Variants in RRP12 observed in about 807,000 individuals in gnomAD.
RRP12 encodes the protein ribosomal RNA processing 12 homolog.
Under a neutral mutation model 157.3 loss-of-function variants are expected in RRP12, and 78 were observed. The observed-to-expected ratio is 0.50, with a 90% CI of 0.41 to 0.60. The LOEUF (loss-of-function observed/expected upper bound fraction) is 0.60. Ranked by LOEUF, RRP12 falls within the 20% of genes least tolerant of loss-of-function variation. The pLI is 0.00. For synonymous variants in RRP12, 726 were observed against 670.9 expected (o/e 1.08, Z -1.27); for missense variants, 1,521 against 1,679.9 (o/e 0.91, Z 1.65).
chr10:97,364,447 G>T lies in RRP12; in HGVS notation c.3518-544C>A, dbSNP rs187275715. Among the ~76,000 whole-genome samples, 5 of 152,330 alleles carry T rather than the reference G, an allele frequency of 3.3e-5. No individual in the cohort carries two copies. In the East Asian group the frequency reaches 7.7e-4, roughly 24 times the overall value. On this transcript the variant is annotated intron_variant, in intron 29 of 33. Coordinates refer to ENST00000370992, the MANE Select transcript of RRP12 (RefSeq NM_015179.4). The stretch of plus-strand genomic sequence containing the variant: ...AGAGAGCACGTGACCGGCCATGTGT[G>T]GTGGCTCACACCTGTAATCCCAGCA...
At chr10:97,384,444 C>T (rs1052452003) in intron 10 of RRP12, among the ~76,000 whole-genome samples, 4 of 151,080 alleles carry the variant, frequency 2.6e-5, no homozygotes, top group African/African-American at 7.3e-5. Flanking sequence ...TGAGGACCCC[C>T]AACTTCGGCA....
At chr10:97,375,251 C>A (rs1342953845) in intron 15 of RRP12, among the ~76,000 whole-genome samples, 1 of 133,080 alleles carries the variant, frequency 7.5e-6, no homozygotes, top group Non-Finnish European at 1.6e-5. Flanking sequence ...GCCTACCACA[C>A]CTGGCTAACT....
intron 25 of RRP12, among the ~76,000 whole-genome samples, chr10:97,368,588 A>G (rs1844054317): frequency 6.6e-6 from 1 of 151,210 alleles, no homozygotes; most frequent in Admixed American, 6.6e-5. Context: ...AAACTCCTGA[A>G]CTCAAGTGAT....
chr10:97,390,880 T>C (rs770455831), intron 4 of RRP12, 36 bp from the exon 5 acceptor site: 4 of 1,401,260 alleles, frequency 2.9e-6, no homozygotes, highest in African/African-American at 2.8e-5. Context: ...CCCCAGAGGG[T>C]CCCTGAAGAG....
chr10:97,388,882 C>T (rs1454408084), intron 6 of RRP12, among the ~76,000 whole-genome samples: 2 of 152,186 alleles, frequency 1.3e-5, no homozygotes, highest in Admixed American at 1.3e-4. Flanking sequence ...TACTTAATTT[C>T]TGAGTTTCAA....
In RRP12 at chr10:97,366,838, G is replaced by A. The variant is rs778060874; in HGVS notation, c.3119C>T (p.Ala1040Val). 2 of 1,614,168 alleles carry A rather than the reference G, an allele frequency of 1.2e-6. No individual in the cohort carries two copies. Among genetic ancestry groups the A allele is most frequent in the Non-Finnish European group, 1.7e-6 (2 of 1,180,036 alleles). ...RVLVNIRKAE[A>V]RAKRHRALSQ... The stretch of plus-strand genomic sequence containing the variant: ...CAGGGCTCGGTGCCTCTTGGCCCGG[G>A]CCTCAGCTTTCCGGATGTTGACCAG... Residue 1040 changes from alanine to valine, a missense_variant, in exon 27 of 34, where the codon GCC becomes GTC. Transcript: ENST00000370992.
chr10:97,396,185 C>T, intron 3 of RRP12, 33 bp downstream of exon 3: 2 of 1,505,432 alleles, frequency 1.3e-6, no homozygotes, highest in African/African-American at 1.4e-5. Flanking sequence ...ACCTGCTGCT[C>T]TGAACACCCA....
chr10:97,368,917 G>A (rs926031737), intron 25 of RRP12, among the ~76,000 whole-genome samples: 1 of 152,228 alleles, frequency 6.6e-6, no homozygotes, highest in African/African-American at 2.4e-5. Flanking sequence ...GGAAGCCTAC[G>A]CCAGCCTGGG....
chr10:97,387,585 A>T (rs1178310984), intron 8 of RRP12, among the ~76,000 whole-genome samples: 1 of 151,836 alleles, frequency 6.6e-6, no homozygotes, highest in Non-Finnish European at 1.5e-5. Flanking sequence ...GATTTACAGA[A>T]TTGTGCTAGA....
chr10:97,393,541 G>GC (rs1360297158), intron 4 of RRP12, 143 bp downstream of exon 4: 8 of 728,298 alleles, frequency 1.1e-5, no homozygotes, highest in Non-Finnish European at 2.0e-5. Context: ...TCACATGCTG[G>GC]CCCATTCTGC....
rs887831138 is a variant in RRP12 at position 97,367,293 on chromosome 10, C to G, written c.2956-161G>C. The G allele has an allele frequency of 4.7e-6, 3 of 631,980 alleles. No individual in the cohort carries two copies. The East Asian group carries it at 8.3e-5, about 17-fold the overall frequency. 39.1% of individuals were successfully genotyped at this position (631,980 alleles called of 1,614,324 possible). Reference sequence around the variant, plus strand: ...CACCCTGGCCCAGTCATGCTTCCCTCGGGTGGGCAGGCCCCATCTTTCCCC... The same window carrying G: ...CACCCTGGCCCAGTCATGCTTCCCTGGGGTGGGCAGGCCCCATCTTTCCCC... On this transcript the variant is annotated intron_variant, in intron 25 of 33. Coordinates refer to ENST00000370992, the MANE Select transcript of RRP12 (RefSeq NM_015179.4).
intron 8 of RRP12, among the ~76,000 whole-genome samples, chr10:97,386,971 C>T (rs1230912972): frequency 6.8e-6 from 1 of 148,072 alleles, no homozygotes; most frequent in African/African-American, 2.5e-5. Context: ...GCCTGGGTGA[C>T]AGAGCGAGAC....
chr10:97,390,898 T>C, intron 4 of RRP12, 54 bp from the exon 5 acceptor site: 2 of 1,191,118 alleles, frequency 1.7e-6, no homozygotes, highest in Non-Finnish European at 2.5e-6. Flanking sequence ...GAGCAGCTGG[T>C]GCAGCCCCTC....
chr10:97,374,574 C>T (rs978705431), intron 15 of RRP12, among the ~76,000 whole-genome samples: 1 of 151,794 alleles, frequency 6.6e-6, no homozygotes, highest in Non-Finnish European at 1.5e-5. Flanking sequence ...AGATTGAGAC[C>T]ATCCTGGCTA....
At chr10:97,373,487 T>C in intron 17 of RRP12, 88 bp downstream of exon 17, 1 of 1,384,168 alleles carries the variant, frequency 7.2e-7, no homozygotes, top group Non-Finnish European at 9.6e-7. Context: ...TCTGTGGCTC[T>C]GCCTGGCAAG....
At chr10:97,380,595 G>A (rs954815199) in intron 13 of RRP12, among the ~76,000 whole-genome samples, 1 of 152,180 alleles carries the variant, frequency 6.6e-6, no homozygotes, top group Non-Finnish European at 1.5e-5. Context: ...GTGAGCAGGT[G>A]GGGGGACTGC....
intron 18 of RRP12, 79 bp downstream of exon 18, chr10:97,372,967 T>C: frequency 2.0e-6 from 3 of 1,497,802 alleles, no homozygotes; most frequent in Non-Finnish European, 2.7e-6. Flanking sequence ...TGAGCCCTGG[T>C]GGGTAGGGTC....
At chr10:97,380,965 C>G in intron 12 of RRP12, 52 bp from the exon 13 acceptor site, 1 of 1,443,116 alleles carries the variant, frequency 6.9e-7, no homozygotes, top group Non-Finnish European at 9.7e-7. Flanking sequence ...CCTGTGCCCC[C>G]CACCAGAGAA....
At chr10:97,394,955 C>T (rs1020494153) in intron 3 of RRP12, among the ~76,000 whole-genome samples, 10 of 151,458 alleles carry the variant, frequency 6.6e-5, no homozygotes, top group Non-Finnish European at 8.8e-5. Flanking sequence ...CAAGCTTGGG[C>T]GACATGACGA....
Sources: allele counts gnomAD v4.1 joint callset (sites outside exome capture counted in the v4.1 genomes callset), GRCh38; gene constraint gnomAD v4.1.1; transcripts MANE v1.5; gene names NCBI Gene and HGNC (gene_info 2026-07-23, HGNC 2026-07-21).